Variants in COL27A1 observed in about 807,000 individuals in gnomAD.
COL27A1 encodes the protein collagen alpha-1(XXVII) chain.
A neutral mutation model predicts 251.3 loss-of-function variants in COL27A1; 106 were observed. The observed-to-expected ratio is 0.42, with a 90% CI of 0.36 to 0.50. The LOEUF (loss-of-function observed/expected upper bound fraction) is 0.50. COL27A1 is among the 20% of genes least tolerant of loss of function. COL27A1 has a pLI of 0.00. For synonymous variants in COL27A1, 1,000 were observed against 986.3 expected (o/e 1.01, Z -0.26); for missense variants, 2,325 against 2,522.8 (o/e 0.92, Z 1.68).
At chr9:114,283,851 C>A in intron 40 of COL27A1, 89 bp downstream of exon 40, 1 of 1,349,488 alleles carries the variant, frequency 7.4e-7, no homozygotes. Context: ...CCACCACCTC[C>A]CAGCTGAAGG....
intron 12 of COL27A1, among the ~76,000 whole-genome samples, chr9:114,214,882 G>A (rs1830616344): frequency 6.6e-6 from 1 of 152,240 alleles, no homozygotes; most frequent in Non-Finnish European, 1.5e-5. Context: ...GGCTTGTTGG[G>A]CATGGCTCAG....
intron 14 of COL27A1, among the ~76,000 whole-genome samples, chr9:114,222,591 C>G (rs1012597388): frequency 6.6e-6 from 1 of 152,198 alleles, no homozygotes; most frequent in Non-Finnish European, 1.5e-5. Flanking sequence ...CCTTTCACAC[C>G]TGCTGCGTGC....
At chr9:114,244,190 G>A (rs571726181) in intron 23 of COL27A1, among the ~76,000 whole-genome samples, 11 of 152,152 alleles carry the variant, frequency 7.2e-5, no homozygotes, top group East Asian at 1.9e-4. Context: ...TAAGGCAGGC[G>A]GATCAAGAAG....
At chr9:114,269,145 A>T in intron 34 of COL27A1, 96 bp from the exon 35 acceptor site, 1 of 761,134 alleles carries the variant, frequency 1.3e-6, no homozygotes, top group Non-Finnish European at 2.0e-6. Context: ...TCCTCCTCCC[A>T]CACCCCAAAG....
intron 59 of COL27A1, among the ~76,000 whole-genome samples, chr9:114,308,012 C>A (rs1479786479): frequency 6.6e-6 from 1 of 152,194 alleles, no homozygotes; most frequent in Non-Finnish European, 1.5e-5. Flanking sequence ...ATTCTTTCTT[C>A]AAATAGAATC....
chr9:114,278,421 T>TGGTGGTTGGTGGTGGTG (rs1835657554), intron 37 of COL27A1, among the ~76,000 whole-genome samples: 1 of 1,434 alleles, frequency 7.0e-4, no homozygotes, highest in Non-Finnish European at 1.6e-3. Flanking sequence ...GTGATAGTGA[T>TGGTGGTTGGTGGTGGTG]AGTGGTAATG....
chr9:114,265,155 T>G (rs1475228750), intron 31 of COL27A1, 45 bp downstream of exon 31: 23 of 537,216 alleles, frequency 4.3e-5, no homozygotes, highest in Non-Finnish European at 6.0e-5. Context: ...GGGCTTTTGA[T>G]GGGGGTGGGG....
At position 114,266,582 on chromosome 9, in the gene COL27A1, G is replaced by A; in HGVS notation, c.3411G>A (p.Gln1137=). 1.2e-6 allele frequency: 2 copies of A among 1,613,724 alleles called. No homozygotes were observed. The highest frequency in any genetic ancestry group is 8.5e-7 in the Non-Finnish European group (1 of 1,179,680). The stretch of plus-strand genomic sequence containing the variant: ...TCTTCCAGGGCCCTCAGGGACCCCA[G>A]GGGCCAATTGGGCCTCCAGGAGAGA... ...LPGEPGPQGP[Q]GPIGPPGEMG... The change falls in exon 33 of 61, where the codon CAG becomes CAA. Residue 1137 remains glutamine (Q), a synonymous_variant. Transcript: ENST00000356083.
In COL27A1 at chr9:114,240,674, C is replaced by G. The variant is rs75607289; in HGVS notation, c.2835+187C>G. Among the ~76,000 whole-genome samples the G allele has an allele frequency of 6.0e-3, 913 of 152,362 alleles. 12 individuals carry two copies. The highest frequency in any genetic ancestry group is 0.02 in the African/African-American group (849 of 41,590). On this transcript the variant is annotated intron_variant, in intron 21 of 60. Coordinates refer to ENST00000356083, the MANE Select transcript of COL27A1 (RefSeq NM_032888.4). ...CCTGCCCCGTGCCCCTTCCAGGGAC[C>G]TTCTCTGCCCTGCTGTCACCTGGCA... is the stretch of plus-strand genomic sequence containing the variant.
chr9:114,227,188 A>T (rs1450282311), intron 14 of COL27A1, among the ~76,000 whole-genome samples: 1 of 152,076 alleles, frequency 6.6e-6, no homozygotes, highest in Non-Finnish European at 1.5e-5. Context: ...CGTTCCCCAC[A>T]TTAGCCTCCG....
intron 17 of COL27A1, among the ~76,000 whole-genome samples, chr9:114,236,541 G>A (rs1056940430): frequency 3.9e-5 from 6 of 152,116 alleles, no homozygotes; most frequent in South Asian, 2.1e-4. Flanking sequence ...GAACTCTCCC[G>A]GCCAGTCAAC....
chr9:114,166,128 C>T (rs1006999182), intron 2 of COL27A1, among the ~76,000 whole-genome samples: 1 of 151,904 alleles, frequency 6.6e-6, no homozygotes, highest in Non-Finnish European at 1.5e-5. Context: ...TTCATCTATT[C>T]ATCCATTTAT....
rs1281966661 is a variant in COL27A1, at chr9:114,265,412, G to T, written c.3340-10G>T. The T allele has an allele frequency of 1.2e-6, 2 of 1,613,560 alleles. No individual in the cohort carries two copies. The highest frequency in any genetic ancestry group is 1.7e-6 in the Non-Finnish European group (2 of 1,179,786). ...GAGGGCCTAAGGTCACCTTTACCTT[G>T]TCTCTGCAGGGCATCCCGGGTCCCT... On this transcript the variant is annotated splice_polypyrimidine_tract_variant and intron_variant, in intron 31 of 60. Transcript: ENST00000356083.
rs967879375 is a variant in COL27A1, at chr9:114,290,402, A to G, written c.4368+71A>G. 1.5e-6 allele frequency: 2 copies of G among 1,365,700 alleles called. No homozygotes were observed. Among genetic ancestry groups the G allele is most frequent in the East Asian group, 2.5e-5 (1 of 40,102 alleles). The allele number at this position is 1,365,700 out of a possible 1,614,324, so 84.6% of individuals were successfully genotyped here. Reference sequence around the variant, plus strand: ...AGGTGTAGGGGAACTTCCCCAGGCCATGGGCCAGAGGAGCCCGTTTGGAAA... The same window carrying G: ...AGGTGTAGGGGAACTTCCCCAGGCCGTGGGCCAGAGGAGCCCGTTTGGAAA... On this transcript the variant is annotated intron_variant, in intron 47 of 60. Transcript: ENST00000356083. This position sits in a 1 kb window ranked among gnomAD's most constrained non-coding sequence, Gnocchi z 4.6.
At chr9:114,233,443 C>G (rs1412320347) in intron 16 of COL27A1, among the ~76,000 whole-genome samples, 1 of 149,522 alleles carries the variant, frequency 6.7e-6, no homozygotes, top group Non-Finnish European at 1.5e-5. Flanking sequence ...CACCTCTGCC[C>G]CCCTTGCCCT....
At chr9:114,207,954 G>T (rs1048965703) in intron 10 of COL27A1, among the ~76,000 whole-genome samples, 8 of 152,238 alleles carry the variant, frequency 5.3e-5, no homozygotes, top group African/African-American at 1.7e-4. Flanking sequence ...AAGGAGAGAT[G>T]GTTGTGAGCC....
At chr9:114,194,564 C>A in intron 6 of COL27A1, 107 bp downstream of exon 6, 2 of 999,810 alleles carry the variant, frequency 2.0e-6, no homozygotes, top group Non-Finnish European at 3.1e-6. Flanking sequence ...ATGGCAAAGG[C>A]AGGGAGGTGG....
chr9:114,190,263 A>G (rs971610481), intron 5 of COL27A1, among the ~76,000 whole-genome samples: 1 of 152,172 alleles, frequency 6.6e-6, no homozygotes, highest in Non-Finnish European at 1.5e-5. Context: ...AGAATTTCTC[A>G]ATATTTATTC....
At chr9:114,271,612 G>A (rs1437284679) in intron 36 of COL27A1, 1 of 152,318 alleles carries the variant, frequency 6.6e-6, no homozygotes, top group Non-Finnish European at 1.5e-5. Context: ...ATTGCAGGTG[G>A]GCAGGCGGGC....
Sources: allele counts gnomAD v4.1 joint callset (sites outside exome capture counted in the v4.1 genomes callset), GRCh38; gene constraint gnomAD v4.1.1; non-coding constraint Gnocchi (gnomAD v3.1); transcripts MANE v1.5; gene names NCBI Gene and HGNC (gene_info 2026-07-23, HGNC 2026-07-21).